CYP2S1: variants seen among roughly 807,000 people sequenced by gnomAD.
CYP2S1 encodes cytochrome P450 family 2 subfamily S member 1.
Under a neutral mutation model 43.5 loss-of-function variants are expected in CYP2S1, and 32 were observed. The ratio of observed to expected loss-of-function variants is 0.74; its 90% confidence interval spans 0.56 to 0.99. The LOEUF (loss-of-function observed/expected upper bound fraction) is 0.99. Ranked by LOEUF, CYP2S1 falls within the 50% of genes least tolerant of loss-of-function variation. The pLI is 0.00. For missense variants in CYP2S1, 575 were observed against 673.9 expected, an observed-to-expected ratio of 0.85 and a Z score of 1.62; for synonymous variants, 283 against 302.9, an observed-to-expected ratio of 0.93 and a Z score of 0.68.
At chr19:41,201,131 C>T in intron 5 of CYP2S1, 100 bp from the exon 6 acceptor site, 2 of 1,470,592 alleles carry the variant, frequency 1.4e-6, no homozygotes, top group East Asian at 2.3e-5. Flanking sequence ...AACCCCGTGA[C>T]AAAACTTTAA....
chr19:41,198,961 TG>T lies in CYP2S1; in HGVS notation c.834+77del. On this transcript the variant is annotated intron_variant, in intron 5 of 8. Coordinates refer to ENST00000310054, the MANE Select transcript of CYP2S1 (RefSeq NM_030622.8). The surrounding 1 kb of genome is among the most constrained non-coding windows in gnomAD (Gnocchi z 4.9). ...TGGCAGGTCCCCAGCCAGGTGTCCCTGGGGACCTCAATTGGGTTCCTCTCTC... is the reference window on the plus strand; with the variant it reads ...TGGCAGGTCCCCAGCCAGGTGTCCCTGGGACCTCAATTGGGTTCCTCTCTC... 6.5e-7 allele frequency: 1 copy of T among 1,529,814 alleles called. No individual in the cohort carries two copies. Among genetic ancestry groups the T allele is most frequent in the South Asian group, 1.3e-5 (1 of 79,870 alleles). 94.8% of individuals were successfully genotyped at this position (1,529,814 alleles called of 1,614,324 possible). A position where few individuals can be genotyped will look rare whatever the true frequency, so the allele number is the denominator to read the frequency against.
intron 2 of CYP2S1, among the ~76,000 whole-genome samples, chr19:41,194,941 C>A (rs1363524299): frequency 1.4e-4 from 22 of 152,076 alleles, no homozygotes; most frequent in African/African-American, 1.4e-4. Flanking sequence ...CATGGTGAAA[C>A]CCTGTCTCTA....
chr19:41,198,607 C>A lies in CYP2S1; in HGVS notation c.639C>A (p.Ser213Arg). The A allele has an allele frequency of 6.2e-7, 1 of 1,614,156 alleles. No individual in the cohort carries two copies. Among genetic ancestry groups the A allele is most frequent in the Non-Finnish European group, 8.5e-7 (1 of 1,180,004 alleles). ...RAAGGTLLGV[S>R]SQGGQTYEMF... ...CTGGTGGTACCCTGCTGGGAGTCAG[C>A]TCCCAGGGGGGTCAGGTGAGTGGGT... Residue 213 changes from serine (S) to arginine (R), a missense_variant, in exon 4 of 9, where the codon AGC (serine) becomes AGA (arginine). Around this residue, in one of 2 missense-constraint regions of CYP2S1, gnomAD observed 353 missense variants for 367.6 expected, o/e 0.96. Coordinates refer to ENST00000310054, the MANE Select transcript of CYP2S1 (RefSeq NM_030622.8). This position sits in a 1 kb window ranked among gnomAD's most constrained non-coding sequence, Gnocchi z 4.9.
chr19:41,195,026 G>A (rs945562113), intron 2 of CYP2S1, among the ~76,000 whole-genome samples: 1 of 152,220 alleles, frequency 6.6e-6, no homozygotes, highest in Non-Finnish European at 1.5e-5. Context: ...TGAGGCAGGA[G>A]AATCGCTTGA....
At position 41,202,894 on chromosome 19, in the gene CYP2S1, A is replaced by T. The variant is rs559913793; in HGVS notation, c.977-556A>T. 2.9e-4 allele frequency among the ~76,000 whole-genome samples: 44 copies of T among 152,234 alleles called. No individual in the cohort carries two copies. In the Middle Eastern group the frequency reaches 0.014, roughly 47 times the overall value. Reference sequence around the variant, plus strand: ...GGCAGGTGGATCACCTGAGGTCAGGAGTTCGAGACCAGCCTCGCTAACATG... The same window carrying T: ...GGCAGGTGGATCACCTGAGGTCAGGTGTTCGAGACCAGCCTCGCTAACATG... On this transcript the variant is annotated intron_variant, in intron 6 of 8. Transcript: ENST00000310054.
chr19:41,198,472 C>A lies in CYP2S1; in HGVS notation c.504C>A (p.Phe168Leu). 2.5e-6 allele frequency: 4 copies of A among 1,613,950 alleles called. No homozygotes were observed. Among genetic ancestry groups the A allele is most frequent in the Non-Finnish European group, 3.4e-6 (4 of 1,179,912 alleles). Residue 168 changes from phenylalanine (F) to leucine (L), a missense_variant, in exon 4 of 9, where the codon TTC becomes TTA. Physicochemically the swap from Phe to Leu is conservative, Grantham distance 22. This residue lies in a region of CYP2S1 where 353 missense variants were observed against 367.6 expected (regional missense o/e 0.96). Coordinates refer to ENST00000310054, the MANE Select transcript of CYP2S1 (RefSeq NM_030622.8). This position sits in a 1 kb window ranked among gnomAD's most constrained non-coding sequence, Gnocchi z 4.9. ...ETFQGTEGRP[F>L]DPSLLLAQAT... ...CCCCATTCCCCCCAGGACGCCCATT[C>A]GATCCCTCCCTGCTGCTGGCCCAGG...
chr19:41,207,027 T>TAATGATACG lies in CYP2S1; in HGVS notation c.*539_*540insAATGATACG. On this transcript the variant is annotated 3_prime_UTR_variant, in exon 9 of 9. Coordinates refer to ENST00000310054, the MANE Select transcript of CYP2S1 (RefSeq NM_030622.8). Reference sequence around the variant, plus strand: ...TCTTGGCTACACCACTCTCCCAGCCTGTGACCACCGATGTCCACACACCCC... The same window carrying TAATGATACG: ...TCTTGGCTACACCACTCTCCCAGCCTAATGATACGGTGACCACCGATGTCCACACACCCC... 3.9e-6 allele frequency: 1 copy of TAATGATACG among 254,698 alleles called. No homozygotes were observed. The highest frequency in any genetic ancestry group is 8.0e-6 in the Non-Finnish European group (1 of 124,654). The allele number at this position is 254,698 out of a possible 1,614,324, so 15.8% of individuals were successfully genotyped here. A position where few individuals can be genotyped will look rare whatever the true frequency, so the allele number is the denominator to read the frequency against.
chr19:41,206,591 C>T lies in CYP2S1; in HGVS notation c.*103C>T, dbSNP rs1189411611. ...CTCCAGAGTGTACACTGCAGGCAGCCACATTTACACGCCTGCAGTTGTTTT... is the reference window on the plus strand; with the variant it reads ...CTCCAGAGTGTACACTGCAGGCAGCTACATTTACACGCCTGCAGTTGTTTT... On this transcript the variant is annotated 3_prime_UTR_variant, in exon 9 of 9. Transcript: ENST00000310054. The T allele has an allele frequency of 1.5e-6, 2 of 1,365,782 alleles. No homozygotes were observed. The highest frequency in any genetic ancestry group is 2.1e-6 in the Non-Finnish European group (2 of 960,400). The allele number at this position is 1,365,782 out of a possible 1,614,324, so 84.6% of individuals were successfully genotyped here.
rs372360078 is a variant in CYP2S1 at position 41,198,768 on chromosome 19, C to T, written c.714C>T (p.Leu238=). The T allele has an allele frequency of 2.7e-5, 44 of 1,614,112 alleles. No individual in the cohort carries two copies. Among genetic ancestry groups the T allele is most frequent in the Non-Finnish European group, 2.5e-5 (30 of 1,180,046 alleles). The change falls in exon 5 of 9, where the codon CTC becomes CTT. Residue 238 remains leucine (L), a synonymous_variant. Coordinates refer to ENST00000310054, the MANE Select transcript of CYP2S1 (RefSeq NM_030622.8). The surrounding 1 kb of genome is among the most constrained non-coding windows in gnomAD (Gnocchi z 4.9). ...TGCCAGGCCCCCACAAGCAGCTCCT[C>T]CACCACGTCAGCACCTTGGCTGCCT... ...RPLPGPHKQL[L]HHVSTLAAFT...
At position 41,201,239 on chromosome 19, in the gene CYP2S1, A is replaced by G. The variant is rs771280888; in HGVS notation, c.843A>G (p.Gln281=). The change falls in exon 6 of 9, where the codon CAA becomes CAG. Residue 281 remains glutamine (Q), a synonymous_variant. Transcript: ENST00000310054. ...TGCCTGGTTTCTTTCAGGAGGAACAAAACCCAGGCACAGAATTCACCAACA... is the reference window on the plus strand; with the variant it reads ...TGCCTGGTTTCTTTCAGGAGGAACAGAACCCAGGCACAGAATTCACCAACA... ...AFLLKMAQEE[Q]NPGTEFTNKN... 2.5e-6 allele frequency: 4 copies of G among 1,614,086 alleles called. No individual in the cohort carries two copies. The highest frequency in any genetic ancestry group is 3.4e-6 in the Non-Finnish European group (4 of 1,179,968).
At chr19:41,199,762 C>G (rs1486517338) in intron 5 of CYP2S1, among the ~76,000 whole-genome samples, 3 of 151,532 alleles carry the variant, frequency 2.0e-5, no homozygotes, top group Non-Finnish European at 4.4e-5. Context: ...GTCGGGAGTT[C>G]GAGACCAGCC....
Position 41,201,165 on chromosome 19 carries a change from G to C in CYP2S1, c.835-66G>C, listed in dbSNP as rs1027452134. 1.2e-5 allele frequency: 18 copies of C among 1,560,796 alleles called. No homozygotes were observed. The African/African-American group carries it at 2.1e-4, about 18-fold the overall frequency. ...AACTTGTGTTTCCGACCCCAGGCTT[G>C]GCTGTTCTGGACATTTACTTCCCAA... On this transcript the variant is annotated intron_variant, in intron 5 of 8. Coordinates refer to ENST00000310054, the MANE Select transcript of CYP2S1 (RefSeq NM_030622.8).
At chr19:41,195,417 C>G (rs767146698) in intron 2 of CYP2S1, among the ~76,000 whole-genome samples, 1 of 152,126 alleles carries the variant, frequency 6.6e-6, no homozygotes, top group Non-Finnish European at 1.5e-5. Context: ...TGCTGCTTCC[C>G]CAGCGCACCT....
chr19:41,199,204 A>G (rs767518818), intron 5 of CYP2S1, among the ~76,000 whole-genome samples: 3 of 151,968 alleles, frequency 2.0e-5, no homozygotes, highest in Non-Finnish European at 4.4e-5. Context: ...CCAGGGTCCT[A>G]CACCAGCAAT....
chr19:41,198,705 A>C lies in CYP2S1; in HGVS notation c.655-4A>C. The C allele has an allele frequency of 6.2e-7, 1 of 1,613,664 alleles. No individual in the cohort carries two copies. The highest frequency in any genetic ancestry group is 8.5e-7 in the Non-Finnish European group (1 of 1,179,848). ...ATGAGAACTAGCTGCCCTTCTCCCC[A>C]CAGACCTACGAGATGTTCTCCTGGT... On this transcript the variant is annotated splice_polypyrimidine_tract_variant and splice_region_variant and intron_variant, in intron 4 of 8. Transcript: ENST00000310054. This position sits in a 1 kb window ranked among gnomAD's most constrained non-coding sequence, Gnocchi z 4.9.
chr19:41,202,888 G>T (rs1412669985), intron 6 of CYP2S1, among the ~76,000 whole-genome samples: 1 of 152,076 alleles, frequency 6.6e-6, no homozygotes, highest in African/African-American at 2.4e-5. Flanking sequence ...ATCACCTGAG[G>T]TCAGGAGTTC....
At position 41,205,939 on chromosome 19, in the gene CYP2S1, C is replaced by T; in HGVS notation, c.1165-19C>T. On this transcript the variant is annotated intron_variant, in intron 7 of 8. Transcript: ENST00000310054. ...TGGGGTGGGAAGGGGTTTATAGTTT[C>T]ATTATTATTTCCCCTCAGGGCACGG... 6.2e-7 allele frequency: 1 copy of T among 1,611,812 alleles called. No homozygotes were observed. The highest frequency in any genetic ancestry group is 8.5e-7 in the Non-Finnish European group (1 of 1,178,772).
At chr19:41,194,225 C>T (rs937419384) in intron 1 of CYP2S1, among the ~76,000 whole-genome samples, 1 of 151,782 alleles carries the variant, frequency 6.6e-6, no homozygotes, top group African/African-American at 2.4e-5. Flanking sequence ...ATTTGGGGGG[C>T]AGGGAGGGCC....
intron 5 of CYP2S1, among the ~76,000 whole-genome samples, chr19:41,199,207 C>T (rs551335639): frequency 4.6e-5 from 7 of 152,204 alleles, no homozygotes; most frequent in African/African-American, 1.4e-4. Context: ...GGGTCCTACA[C>T]CAGCAATCCC....
Sources: gnomAD v4.1 joint callset for allele counts (sites outside exome capture counted in the v4.1 genomes callset) on GRCh38, gnomAD v4.1.1 for gene constraint, gnomAD v4.1.1 regional missense constraint, Gnocchi (gnomAD v3.1) non-coding constraint, MANE v1.5 for transcripts, NCBI Gene and HGNC (gene_info 2026-07-23, HGNC 2026-07-21) for gene names.